UBA6: variants seen among roughly 807,000 people sequenced by gnomAD.
The protein encoded by UBA6 is ubiquitin like modifier activating enzyme 6, also known as ubiquitin-like modifier-activating enzyme 6.
UBA6 carries 87 observed loss-of-function variants against 148.3 expected under a neutral mutation model. The observed-to-expected ratio is 0.59, with a 90% CI of 0.49 to 0.70. The LOEUF is 0.70. UBA6 is among the 30% of genes least tolerant of loss of function. The probability of loss-of-function intolerance (pLI) is 0.00; values close to 1 mark genes in which losing one functional copy is unlikely to be tolerated. For synonymous variants in UBA6, 376 were observed against 401.0 expected (o/e 0.94, Z 0.75); for missense variants, 1,186 against 1,241.2 (o/e 0.96, Z 0.67).
intron 23 of UBA6, among the ~76,000 whole-genome samples, chr4:67,632,404 C>A (rs1332215531): frequency 4.6e-5 from 7 of 151,866 alleles, no homozygotes; most frequent in African/African-American, 4.8e-5. Context: ...AACTGCTAAC[C>A]CTGGGTGATA....
intron 2 of UBA6, among the ~76,000 whole-genome samples, chr4:67,685,190 T>C (rs547260790): frequency 4.8e-4 from 73 of 152,296 alleles, no homozygotes; most frequent in African/African-American, 1.7e-3. Context: ...TCTTAATATT[T>C]ACTCCCATAT....
chr4:67,678,127 C>T (rs1463416364), intron 5 of UBA6, among the ~76,000 whole-genome samples: 2 of 120,906 alleles, frequency 1.7e-5, no homozygotes, highest in African/African-American at 2.9e-5. Context: ...TTATATAATA[C>T]ATATTATGTA....
intron 9 of UBA6, among the ~76,000 whole-genome samples, chr4:67,667,600 G>A (rs1477143093): frequency 6.6e-6 from 1 of 151,754 alleles, no homozygotes; most frequent in African/African-American, 2.4e-5. Flanking sequence ...AGATAAAACT[G>A]AATCAATTTC....
intron 2 of UBA6, among the ~76,000 whole-genome samples, chr4:67,690,484 C>T (rs1461596509): frequency 6.6e-6 from 1 of 151,942 alleles, no homozygotes; most frequent in Non-Finnish European, 1.5e-5. Flanking sequence ...GTAAAGGAAA[C>T]AGTCAACAAA....
Position 67,631,735 on chromosome 4 carries a change from G to A in UBA6, c.2231C>T (p.Pro744Leu). The change falls in exon 25 of 33, where the codon CCA (proline) becomes CTA (leucine). Residue 744 changes from proline (P) to leucine (L), a missense_variant. Pro to Leu is a moderately conservative substitution (Grantham distance 98, BLOSUM62 -3). Transcript: ENST00000322244. ...AGGCTCATTTAAATCAAATTTTATT[G>A]GAGAGGGTGGCCTCTTTGGTGACTG... is the stretch of plus-strand genomic sequence containing the variant. ...FWQSPKRPPSPIKFDLNEPLH... is the reference protein window; with the variant it reads ...FWQSPKRPPSLIKFDLNEPLH... 2 of 1,610,366 alleles carry A rather than the reference G, an allele frequency of 1.2e-6. No individual in the cohort carries two copies. Among genetic ancestry groups the A allele is most frequent in the South Asian group, 1.1e-5 (1 of 90,636 alleles).
Position 67,644,734 on chromosome 4 carries a change from A to G in UBA6, c.1440T>C (p.Ala480=), listed in dbSNP as rs570992790. 1 of 1,612,060 alleles carries G rather than the reference A, an allele frequency of 6.2e-7. No homozygotes were observed. The highest frequency in any genetic ancestry group is 1.3e-5 in the African/African-American group (1 of 75,008). The change falls in exon 17 of 33, where the codon GCT becomes GCC. Residue 480 remains alanine (A), a synonymous_variant. Coordinates refer to ENST00000322244, the MANE Select transcript of UBA6 (RefSeq NM_018227.6). ...CTTTGCTTGTGCCAACACCAAGTAA[A>G]GCAAAATTTTTCAACATTTCACAGC... ...AIGCEMLKNF[A]LLGVGTSKEK...
At chr4:67,659,358 G>A (rs902392630) in intron 13 of UBA6, among the ~76,000 whole-genome samples, 4 of 152,114 alleles carry the variant, frequency 2.6e-5, no homozygotes, top group Non-Finnish European at 5.9e-5. Flanking sequence ...GTGGGACCAG[G>A]TGGAAGTAAC....
intron 5 of UBA6, 120 bp from the exon 6 acceptor site, chr4:67,677,842 A>C (rs1290401228): frequency 3.8e-6 from 2 of 524,722 alleles, no homozygotes; most frequent in Non-Finnish European, 6.6e-6. Flanking sequence ...ATGGAAACTT[A>C]CCTTGTAGAA....
chr4:67,624,604 G>C (rs911220265), intron 29 of UBA6, among the ~76,000 whole-genome samples: 2 of 151,918 alleles, frequency 1.3e-5, no homozygotes, highest in Admixed American at 6.6e-5. Flanking sequence ...TAATTACATA[G>C]AGTAATGATG....
At chr4:67,623,088 A>G (rs998389175) in intron 31 of UBA6, 47 bp downstream of exon 31, 5 of 1,459,418 alleles carry the variant, frequency 3.4e-6, no homozygotes, top group Non-Finnish European at 4.7e-6. Flanking sequence ...CAAAACAGAA[A>G]CCAGACATAA....
chr4:67,682,075 A>C (rs1446193942), intron 3 of UBA6, 44 bp downstream of exon 3: 1 of 1,412,398 alleles, frequency 7.1e-7, no homozygotes, highest in Admixed American at 1.7e-5. Context: ...AACTATCTTC[A>C]TTGCTCAAAA....
At chr4:67,625,644 A>G (rs1282488540) in intron 28 of UBA6, among the ~76,000 whole-genome samples, 1 of 151,960 alleles carries the variant, frequency 6.6e-6, no homozygotes, top group African/African-American at 2.4e-5. Flanking sequence ...AATTTCTGAA[A>G]TCTTTGTAGA....
chr4:67,687,903 A>G (rs1369903116), intron 2 of UBA6, among the ~76,000 whole-genome samples: 1 of 152,176 alleles, frequency 6.6e-6, no homozygotes, highest in Non-Finnish European at 1.5e-5. Flanking sequence ...TTTAACAGTT[A>G]AAAAAGAAAA....
At position 67,616,179 on chromosome 4, in the gene UBA6, A is replaced by T; in HGVS notation, c.*2818T>A. On this transcript the variant is annotated 3_prime_UTR_variant, in exon 33 of 33. Transcript: ENST00000322244. ...CTCTGATTTTTTTTTTTTCAGAGAA[A>T]GCATTCAGATTATATGTTTTTGAAT... The T allele has an allele frequency of 2.5e-6, 1 of 396,852 alleles. No individual in the cohort carries two copies. Among genetic ancestry groups the T allele is most frequent in the Non-Finnish European group, 4.4e-6 (1 of 224,958 alleles). The allele number at this position is 396,852 out of a possible 1,614,324, so 24.6% of individuals were successfully genotyped here. A position where few individuals can be genotyped will look rare whatever the true frequency, so the allele number is the denominator to read the frequency against.
chr4:67,668,728 T>C, intron 8 of UBA6, 54 bp from the exon 9 acceptor site: 1 of 1,504,502 alleles, frequency 6.6e-7, no homozygotes, highest in South Asian at 1.3e-5. Flanking sequence ...ATTCTTTGTG[T>C]ACAAATTCAA....
At chr4:67,633,062 C>T (rs1169368539) in intron 23 of UBA6, among the ~76,000 whole-genome samples, 1 of 152,066 alleles carries the variant, frequency 6.6e-6, no homozygotes, top group Non-Finnish European at 1.5e-5. Flanking sequence ...TTCTATTTTA[C>T]AGATGGGGAA....
At chr4:67,652,855 G>T (rs141642060) in intron 13 of UBA6, among the ~76,000 whole-genome samples, 151 of 152,306 alleles carry the variant, frequency 9.9e-4, no homozygotes, top group African/African-American at 3.2e-3. Flanking sequence ...CTTAGCAACC[G>T]GCAGACCAGG....
chr4:67,681,717 T>G, intron 3 of UBA6, 126 bp from the exon 4 acceptor site: 1 of 645,210 alleles, frequency 1.5e-6, no homozygotes, highest in Non-Finnish European at 2.6e-6. Context: ...TAATACAAGT[T>G]CCTTGTCTTA....
In UBA6 at chr4:67,618,934, T is replaced by G. The variant is rs1728689029; in HGVS notation, c.*63A>C. 1.3e-6 allele frequency: 2 copies of G among 1,521,122 alleles called. No individual in the cohort carries two copies. The highest frequency in any genetic ancestry group is 1.8e-6 in the Non-Finnish European group (2 of 1,117,694). The allele number at this position is 1,521,122 out of a possible 1,614,324, so 94.2% of individuals were successfully genotyped here. A position where few individuals can be genotyped will look rare whatever the true frequency, so the allele number is the denominator to read the frequency against. On this transcript the variant is annotated 3_prime_UTR_variant, in exon 33 of 33. Transcript: ENST00000322244. Reference sequence around the variant, plus strand: ...TATTATGAACTGATTTTCTTTAGCTTCTGAATTAAGTGCACTCTTTCCAAA... The same window carrying G: ...TATTATGAACTGATTTTCTTTAGCTGCTGAATTAAGTGCACTCTTTCCAAA...
Sources: gnomAD v4.1 joint callset for allele counts (sites outside exome capture counted in the v4.1 genomes callset) on GRCh38, gnomAD v4.1.1 for gene constraint, MANE v1.5 for transcripts, NCBI Gene and HGNC (gene_info 2026-07-23, HGNC 2026-07-21) for gene names.